DPH6: variants seen among roughly 807,000 people sequenced by gnomAD.
DPH6 encodes the protein diphthine--ammonia ligase.
DPH6 carries 33 observed loss-of-function variants against 38.2 expected under a neutral mutation model. The ratio of observed to expected loss-of-function variants is 0.86; its 90% CI spans 0.65 to 1.15. DPH6 has a LOEUF of 1.15. Among genes scored for constraint, DPH6 ranks in the 50% most tolerant of loss-of-function variants. DPH6 has a pLI of 0.00. For missense variants in DPH6, 325 were observed against 320.0 expected (o/e 1.02, Z -0.12); for synonymous variants, 108 against 103.0 (o/e 1.05, Z -0.30).
At chr15:35,324,484 T>G (rs918555926) in intron 3 of DPH6, among the ~76,000 whole-genome samples, 1 of 151,822 alleles carries the variant, frequency 6.6e-6, no homozygotes, top group Non-Finnish European at 1.5e-5. Context: ...TCTTATAACA[T>G]TGTTACTTAA....
At position 35,453,643 on chromosome 15, in the gene DPH6, G is replaced by A. The variant is rs546598388; in HGVS notation, c.386+1104C>T. Among the ~76,000 whole-genome samples, 21 of 152,042 alleles carry A rather than the reference G, an allele frequency of 1.4e-4. 1 individual carries two copies. In the South Asian group the frequency reaches 2.7e-3, roughly 20 times the overall value. On this transcript the variant is annotated intron_variant, in intron 4 of 8. Transcript: ENST00000256538. ...CCCCACTCCATCATCATCATCCATC[G>A]TCCAGAGATTCTGATACACCTCTAA...
chr15:35,334,558 C>T (rs1187201498), intron 3 of DPH6, among the ~76,000 whole-genome samples: 2 of 151,988 alleles, frequency 1.3e-5, no homozygotes, highest in South Asian at 4.1e-4. Context: ...CCTACCCCTA[C>T]CCCATGCCCC....
rs138816646 is a variant in DPH6 at position 35,416,886 on chromosome 15, C to G, written c.506-5990G>C. Among the ~76,000 whole-genome samples the G allele has an allele frequency of 5.5e-4, 84 of 152,150 alleles. No homozygotes were observed. The East Asian group carries it at 0.016, about 28-fold the overall frequency. ...TGCAAAAGCAACGGCCTGAAGCCACCCTGATCTTTGAGATCTCTTCTAAAT... is the reference window on the plus strand; with the variant it reads ...TGCAAAAGCAACGGCCTGAAGCCACGCTGATCTTTGAGATCTCTTCTAAAT... On this transcript the variant is annotated intron_variant, in intron 5 of 8. Transcript: ENST00000256538.
intron 5 of DPH6, among the ~76,000 whole-genome samples, chr15:35,435,372 C>CA (rs2053684632): frequency 1.3e-5 from 2 of 152,090 alleles, no homozygotes; most frequent in African/African-American, 4.8e-5. Context: ...CGAATGGCTT[C>CA]AAAAAAGGCA....
rs182890838 is a variant in DPH6 at position 35,413,881 on chromosome 15, C to G, written c.506-2985G>C. Among the ~76,000 whole-genome samples, 728 of 151,486 alleles carry G rather than the reference C, an allele frequency of 4.8e-3. 3 individuals are homozygous for G. The highest frequency in any genetic ancestry group is 0.017 in the African/African-American group (700 of 41,420). On this transcript the variant is annotated intron_variant, in intron 5 of 8. Coordinates refer to ENST00000256538, the MANE Select transcript of DPH6 (RefSeq NM_080650.4). ...TTGAAAATTATTTTAATGTTTTACT[C>G]TGCTGATCAGAATGCTATAGAGTGA...
chr15:35,481,273 C>G (rs1047556163), intron 3 of DPH6, among the ~76,000 whole-genome samples: 4 of 152,118 alleles, frequency 2.6e-5, no homozygotes, highest in African/African-American at 9.7e-5. Context: ...AAGAACAAAG[C>G]AACACATTGC....
At chr15:35,502,129 C>T (rs1204915920) in intron 3 of DPH6, among the ~76,000 whole-genome samples, 2 of 152,020 alleles carry the variant, frequency 1.3e-5, no homozygotes, top group East Asian at 3.8e-4. Context: ...ATTTTTACTG[C>T]TATTCTGGAC....
chr15:35,230,887 A>C (rs533369179), intron 3 of DPH6, among the ~76,000 whole-genome samples: 1 of 152,284 alleles, frequency 6.6e-6, no homozygotes, highest in South Asian at 2.1e-4. Context: ...GATACAAAAT[A>C]ATGTCCTCCC....
chr15:35,366,058 C>T, downstream of DPH6: 1 of 972,010 alleles, frequency 1.0e-6, no homozygotes, highest in Non-Finnish European at 1.2e-6. Context: ...TATCTTCTTA[C>T]TTTCTTTGTC....
chr15:35,522,412 G>A, intron 3 of DPH6: 1 of 779,792 alleles, frequency 1.3e-6, no homozygotes, highest in Non-Finnish European at 1.9e-6. Flanking sequence ...CAACAGGACT[G>A]CAAGTGAATG....
intron 6 of DPH6, among the ~76,000 whole-genome samples, chr15:35,409,731 CTG>C (rs937846651): frequency 6.6e-6 from 1 of 151,900 alleles, no homozygotes; most frequent in African/African-American, 2.4e-5. Flanking sequence ...GAACAAATCA[CTG>C]TGAGAAAAGT....
chr15:35,294,017 T>A (rs1217251083), intron 3 of DPH6, among the ~76,000 whole-genome samples: 1 of 152,156 alleles, frequency 6.6e-6, no homozygotes, highest in East Asian at 1.9e-4. Flanking sequence ...TCTCAGCCAG[T>A]CCAGTTGTTT....
chr15:35,260,607 G>C (rs909149275), intron 3 of DPH6, among the ~76,000 whole-genome samples: 4 of 151,594 alleles, frequency 2.6e-5, no homozygotes, highest in Non-Finnish European at 2.9e-5. Flanking sequence ...GTAAATTTAG[G>C]ATAAATGAAG....
rs58422347 is a variant in DPH6, at chr15:35,542,965, T to TATATATATATAA, written c.24-459_24-458insTTATATATATAT. ...TAAGGAATATATATATATATATATA[T>TATATATATATAA]AAAATAATTTCATAGAAATTATTGG... On this transcript the variant is annotated intron_variant, in intron 1 of 8. Coordinates refer to ENST00000256538, the MANE Select transcript of DPH6 (RefSeq NM_080650.4). Among the ~76,000 whole-genome samples, 175 of 76,168 alleles carry TATATATATATAA rather than the reference T, an allele frequency of 2.3e-3. 16 individuals are homozygous for TATATATATATAA. Among genetic ancestry groups the TATATATATATAA allele is most frequent in the South Asian group, 7.6e-3 (13 of 1,706 alleles). 50.0% of individuals were successfully genotyped at this position (76,168 alleles called of 152,430 possible).
chr15:35,487,118 A>C (rs775361251), intron 3 of DPH6, among the ~76,000 whole-genome samples: 5 of 152,106 alleles, frequency 3.3e-5, no homozygotes, highest in Non-Finnish European at 5.9e-5. Context: ...TGTAGGGTTA[A>C]AGCTCCTGCA....
At chr15:35,408,515 G>A (rs1402822570) in intron 6 of DPH6, among the ~76,000 whole-genome samples, 1 of 151,962 alleles carries the variant, frequency 6.6e-6, no homozygotes, top group Admixed American at 6.6e-5. Context: ...GGACCAGAAA[G>A]ACTTGGGAGT....
At chr15:35,306,781 A>G (rs531927689) in intron 3 of DPH6, among the ~76,000 whole-genome samples, 11 of 152,294 alleles carry the variant, frequency 7.2e-5, no homozygotes, top group Non-Finnish European at 1.0e-4. Flanking sequence ...TCAGGTCACT[A>G]TGGTTTCCAG....
At chr15:35,184,692 T>C in the DPH6 span, among the ~76,000 whole-genome samples, 6 of 152,298 alleles carry the variant, frequency 3.9e-5, no homozygotes, top group South Asian at 1.2e-3. Context: ...TGCAACTAGG[T>C]TCCAAGGGTT....
chr15:35,324,872 GGCT>G (rs1360346568), intron 3 of DPH6, among the ~76,000 whole-genome samples: 2 of 152,052 alleles, frequency 1.3e-5, no homozygotes, highest in Non-Finnish European at 2.9e-5. Flanking sequence ...TAACAAAACT[GGCT>G]GCTATGAAAG....
Sources: allele counts gnomAD v4.1 joint callset (sites outside exome capture counted in the v4.1 genomes callset), GRCh38; gene constraint gnomAD v4.1.1; transcripts MANE v1.5; gene names NCBI Gene and HGNC (gene_info 2026-07-23, HGNC 2026-07-21).